GSPT1: variants seen among roughly 807,000 people sequenced by gnomAD.
GSPT1 encodes G1 to S phase transition 1.
A neutral mutation model predicts 72.5 loss-of-function variants in GSPT1; 20 were observed. The observed-to-expected ratio is 0.28, with a 90% CI of 0.19 to 0.40. The LOEUF (loss-of-function observed/expected upper bound fraction) is 0.40, where lower values mean the gene tolerates loss of function less well. GSPT1 is among the 10% of genes least tolerant of loss of function. GSPT1 has a pLI of 1.00. For synonymous variants in GSPT1, 334 were observed against 293.5 expected (o/e 1.14, Z -1.41); for missense variants, 580 against 811.9 (o/e 0.71, Z 3.47).
At chr16:11,879,612 A>C (rs2054094636) in intron 11 of GSPT1, among the ~76,000 whole-genome samples, 1 of 151,772 alleles carries the variant, frequency 6.6e-6, no homozygotes, top group Non-Finnish European at 1.5e-5. Context: ...ACGTTCCTGT[A>C]ATCCCAGCTA....
intron 10 of GSPT1, among the ~76,000 whole-genome samples, chr16:11,883,814 G>A (rs761779224): frequency 2.3e-4 from 35 of 151,870 alleles, no homozygotes; most frequent in Middle Eastern, 3.2e-3. Context: ...TCGGAAGGCT[G>A]AGGCATGAGA....
intron 6 of GSPT1, among the ~76,000 whole-genome samples, chr16:11,888,355 C>T (rs1050898159): frequency 5.5e-5 from 8 of 145,268 alleles, no homozygotes; most frequent in Non-Finnish European, 9.0e-5. Flanking sequence ...ACAGCTATTT[C>T]GAAAGCTGAG....
At chr16:11,892,438 G>C (rs1191488620) in intron 5 of GSPT1, among the ~76,000 whole-genome samples, 1 of 149,014 alleles carries the variant, frequency 6.7e-6, no homozygotes, top group East Asian at 2.0e-4. Flanking sequence ...GAGTCCATGA[G>C]GTTGAGGCTG....
chr16:11,886,711 A>G (rs2054190047), intron 8 of GSPT1, 66 bp downstream of exon 8: 4 of 1,562,004 alleles, frequency 2.6e-6, no homozygotes, highest in Non-Finnish European at 3.5e-6. Context: ...CCCTAGAGAA[A>G]AAGTCGTACA....
intron 1 of GSPT1, among the ~76,000 whole-genome samples, chr16:11,914,591 A>T (rs1464652775): frequency 6.6e-6 from 1 of 152,250 alleles, no homozygotes; most frequent in East Asian, 1.9e-4. Context: ...AATCTGAATA[A>T]GGTCAACGAT....
intron 12 of GSPT1, among the ~76,000 whole-genome samples, chr16:11,876,952 A>T (rs964653153): frequency 1.1e-4 from 17 of 152,242 alleles, no homozygotes; most frequent in Admixed American, 7.9e-4. Flanking sequence ...CATACCTTAG[A>T]AAAGAACTTT....
intron 1 of GSPT1, among the ~76,000 whole-genome samples, chr16:11,906,929 T>C (rs33628): frequency 0.99 from 150,203 of 152,166 alleles, 74,164 homozygotes; most frequent in East Asian, 1. Context: ...TTTTTTCTCC[T>C]GTAGACAATA....
At chr16:11,906,763 A>G (rs1363865597) in intron 1 of GSPT1, among the ~76,000 whole-genome samples, 1 of 152,264 alleles carries the variant, frequency 6.6e-6, no homozygotes, top group Non-Finnish European at 1.5e-5. Context: ...AATTAGGCTA[A>G]GATAATAAAT....
At chr16:11,914,688 T>A (rs1486965133) in intron 1 of GSPT1, among the ~76,000 whole-genome samples, 1 of 152,152 alleles carries the variant, frequency 6.6e-6, no homozygotes, top group Non-Finnish European at 1.5e-5. Context: ...ATCAATATAG[T>A]CTCCTATCAC....
At chr16:11,915,996 C>T, upstream of GSPT1, 1 of 689,040 alleles carries the variant, frequency 1.5e-6, no homozygotes, top group Non-Finnish European at 2.7e-6. Context: ...GGCCTCACAG[C>T]CAACCCCACC....
At chr16:11,913,457 C>T (rs1253769859) in intron 1 of GSPT1, among the ~76,000 whole-genome samples, 1 of 152,134 alleles carries the variant, frequency 6.6e-6, no homozygotes, top group Non-Finnish European at 1.5e-5. Context: ...CTAGCACTGT[C>T]AAAGAGAAAA....
At position 11,873,074 on chromosome 16, in the gene GSPT1, A is replaced by G. The variant is rs1205616075; in HGVS notation, c.*45T>C. 9.4e-7 allele frequency: 1 copy of G among 1,067,178 alleles called. No individual in the cohort carries two copies. Among genetic ancestry groups the G allele is most frequent in the Non-Finnish European group, 1.4e-6 (1 of 699,708 alleles). The allele number at this position is 1,067,178 out of a possible 1,614,324, so 66.1% of individuals were successfully genotyped here. ...AAGGCGGTGTGAAGTAGGCTTCTGC[A>G]GTCAATTTTCCTCACAGTATTGTGC... On this transcript the variant is annotated 3_prime_UTR_variant, in exon 15 of 15. Transcript: ENST00000434724.
chr16:11,916,129 C>T, upstream of GSPT1: 1 of 398,410 alleles, frequency 2.5e-6, no homozygotes, highest in South Asian at 1.7e-5. Flanking sequence ...CCGGCAGCGC[C>T]CGCGCTACCC....
chr16:11,883,469 A>AATAAAAATAAAAAT (rs113484339), intron 10 of GSPT1, among the ~76,000 whole-genome samples: 1,682 of 148,820 alleles, frequency 0.011, 64 homozygotes, highest in African/African-American at 0.039. Flanking sequence ...CAAAAAAAAA[A>AATAAAAATAAAAAT]AAAATTGCCA....
At chr16:11,912,710 C>G (rs2054576166) in intron 1 of GSPT1, among the ~76,000 whole-genome samples, 1 of 152,180 alleles carries the variant, frequency 6.6e-6, no homozygotes, top group African/African-American at 2.4e-5. Context: ...TAAATACATC[C>G]TATCAGATAA....
At chr16:11,874,454 C>CTTTTTTTTTTTTTTTTTTTTTT (rs200991035) in intron 14 of GSPT1, among the ~76,000 whole-genome samples, 2 of 95,890 alleles carry the variant, frequency 2.1e-5, no homozygotes, top group African/African-American at 4.2e-5. Flanking sequence ...GCCAAGTTAG[C>CTTTTTTTTTTTTTTTTTTTTTT]TTTTTTTTTT....
At chr16:11,916,333 AG>A (rs1413588429), upstream of GSPT1, among the ~76,000 whole-genome samples, 12 of 152,214 alleles carry the variant, frequency 7.9e-5, no homozygotes. Context: ...GAAGACCGAG[AG>A]TATTTTAGCC....
At chr16:11,905,456 C>A (rs1460433359) in intron 1 of GSPT1, among the ~76,000 whole-genome samples, 1 of 152,200 alleles carries the variant, frequency 6.6e-6, no homozygotes, top group Non-Finnish European at 1.5e-5. Context: ...TCCCCCATTT[C>A]TATCCCATTC....
At chr16:11,895,121 C>A (rs2054317637) in intron 4 of GSPT1, 134 bp from the exon 5 acceptor site, 1 of 615,036 alleles carries the variant, frequency 1.6e-6, no homozygotes. Flanking sequence ...TAGTTCATTA[C>A]CCTTCTCCTT....
Sources: gnomAD v4.1 joint callset for allele counts (sites outside exome capture counted in the v4.1 genomes callset) on GRCh38, gnomAD v4.1.1 for gene constraint, MANE v1.5 for transcripts, NCBI Gene and HGNC (gene_info 2026-07-23, HGNC 2026-07-21) for gene names.